Variants in TJP2 observed in about 807,000 individuals in gnomAD.
TJP2 encodes the protein tight junction protein 2, also known as Friedreich ataxia region gene X104 (tight junction protein ZO-2).
In TJP2, 91 loss-of-function variants were observed where a neutral mutation model predicts 133.1. The observed-to-expected ratio is 0.68, with a 90% CI of 0.58 to 0.81. The LOEUF is 0.81. Among genes scored for constraint, TJP2 ranks in the 40% least tolerant of loss-of-function variants. The pLI is 0.00. For synonymous variants in TJP2, 592 were observed against 583.4 expected, an observed-to-expected ratio of 1.01 and a Z score of -0.21; for missense variants, 1,541 against 1,565.6, an observed-to-expected ratio of 0.98 and a Z score of 0.26.
chr9:69,224,978 T>C (rs574373571), intron 5 of TJP2, among the ~76,000 whole-genome samples: 13 of 152,312 alleles, frequency 8.5e-5, no homozygotes, highest in African/African-American at 3.1e-4. Flanking sequence ...TTAACATTAA[T>C]ATCCCTTTCA....
At chr9:69,165,011 G>T (rs1227032250) in intron 2 of TJP2, among the ~76,000 whole-genome samples, 4 of 152,138 alleles carry the variant, frequency 2.6e-5, no homozygotes, top group Non-Finnish European at 5.9e-5. Context: ...TATATTTTTA[G>T]TAGAGACGGG....
chr9:69,145,194 TA>T (rs1310221144), intron 1 of TJP2, among the ~76,000 whole-genome samples: 1 of 152,228 alleles, frequency 6.6e-6, no homozygotes, highest in Non-Finnish European at 1.5e-5. Context: ...TGCATTGCTA[TA>T]AAATGACAAC....
At chr9:69,238,872 A>C (rs187802005) in intron 16 of TJP2, 83 bp downstream of exon 16, 1 of 1,148,576 alleles carries the variant, frequency 8.7e-7, no homozygotes, top group African/African-American at 1.5e-5. Context: ...TAGTATCTGT[A>C]CTTTTAATCA....
intron 2 of TJP2, among the ~76,000 whole-genome samples, chr9:69,160,831 T>TA (rs1335380978): frequency 6.6e-6 from 1 of 152,166 alleles, no homozygotes; most frequent in African/African-American, 2.4e-5. Flanking sequence ...CTCCCTTTTT[T>TA]AAAACCATCA....
At position 69,236,251 on chromosome 9, in the gene TJP2, G is replaced by A. The variant is rs774421803; in HGVS notation, c.1991+13G>A. On this transcript the variant is annotated intron_variant, in intron 13 of 22. Transcript: ENST00000377245. ...CCAACAAGAGCAGGTAACAGAGATC[G>A]CATTCTCACATACCCCTTTTAATCC... is the stretch of plus-strand genomic sequence containing the variant. The A allele has an allele frequency of 1.4e-5, 23 of 1,612,798 alleles. No individual in the cohort carries two copies. The highest frequency in any genetic ancestry group is 5.0e-5 in the Admixed American group (3 of 59,972).
At chr9:69,229,347 A>ATT (rs1829592891) in intron 10 of TJP2, 97 bp downstream of exon 10, 1 of 1,210,584 alleles carries the variant, frequency 8.3e-7, no homozygotes, top group Admixed American at 1.7e-5. Context: ...CTAGATGGTG[A>ATT]TTTTGTACAC....
At chr9:69,225,890 T>C (rs1212954514) in intron 6 of TJP2, 132 bp from the exon 7 acceptor site, 21 of 931,290 alleles carry the variant, frequency 2.3e-5, no homozygotes, top group Non-Finnish European at 3.4e-5. Flanking sequence ...TTCATTTTTA[T>C]TGAGTCATCC....
intron 1 of TJP2, among the ~76,000 whole-genome samples, chr9:69,184,269 T>C (rs963751968): frequency 6.6e-6 from 1 of 152,180 alleles, no homozygotes; most frequent in Non-Finnish European, 1.5e-5. Context: ...AAAGGCGAGA[T>C]GCGCAAAAAA....
intron 12 of TJP2, among the ~76,000 whole-genome samples, chr9:69,234,828 G>A (rs1260851436): frequency 6.6e-6 from 1 of 152,118 alleles, no homozygotes; most frequent in East Asian, 1.9e-4. Flanking sequence ...GTTCTGCCTG[G>A]AGTTATTAGT....
chr9:69,164,152 C>T (rs1824230131), intron 2 of TJP2, among the ~76,000 whole-genome samples: 1 of 152,170 alleles, frequency 6.6e-6, no homozygotes, highest in Non-Finnish European at 1.5e-5. Flanking sequence ...TAAAGAGGCC[C>T]ATGCAAATTT....
At chr9:69,208,948 G>A (rs1259498567) in intron 1 of TJP2, among the ~76,000 whole-genome samples, 2 of 152,094 alleles carry the variant, frequency 1.3e-5, no homozygotes, top group Non-Finnish European at 2.9e-5. Flanking sequence ...GGTACAAGAA[G>A]GCATTGAGAA....
intron 1 of TJP2, among the ~76,000 whole-genome samples, chr9:69,195,732 C>T (rs1826512229): frequency 6.6e-6 from 1 of 152,152 alleles, no homozygotes; most frequent in African/African-American, 2.4e-5. Context: ...GGAGCTTGTG[C>T]ATATATACCA....
chr9:69,130,282 A>G (rs1822436709), intron 1 of TJP2, among the ~76,000 whole-genome samples: 1 of 152,122 alleles, frequency 6.6e-6, no homozygotes, highest in African/African-American at 2.4e-5. Flanking sequence ...TTATGGGGAA[A>G]TGTTGGTAAT....
At chr9:69,167,354 G>C (rs1417202830) in intron 2 of TJP2, among the ~76,000 whole-genome samples, 1 of 152,088 alleles carries the variant, frequency 6.6e-6, no homozygotes, top group African/African-American at 2.4e-5. Context: ...TATATGTCTG[G>C]AATGTTCACC....
At chr9:69,181,677 G>T (rs1289218082) in intron 1 of TJP2, among the ~76,000 whole-genome samples, 1 of 151,916 alleles carries the variant, frequency 6.6e-6, no homozygotes, top group East Asian at 1.9e-4. Flanking sequence ...TATTTCCATT[G>T]GTTCTTCTCA....
chr9:69,173,423 G>A (rs1047757099), upstream of TJP2, among the ~76,000 whole-genome samples: 13 of 152,184 alleles, frequency 8.5e-5, no homozygotes, highest in African/African-American at 1.2e-4. Flanking sequence ...ACACTGAATT[G>A]CATTAGATGA....
At chr9:69,148,927 A>AAAT in intron 1 of TJP2, among the ~76,000 whole-genome samples, 1 of 152,198 alleles carries the variant, frequency 6.6e-6, no homozygotes, top group Non-Finnish European at 1.5e-5. Context: ...GATAGAATAA[A>AAAT]AATAATTGAT....
At chr9:69,244,184 G>GAAAA (rs35047206) in intron 17 of TJP2, among the ~76,000 whole-genome samples, 3 of 58,338 alleles carry the variant, frequency 5.1e-5, no homozygotes, top group African/African-American at 6.5e-5. Context: ...CCTGTCTCAG[G>GAAAA]AAAAAAAAAA....
intron 4 of TJP2, among the ~76,000 whole-genome samples, chr9:69,219,158 G>A (rs548334702): frequency 4.6e-5 from 7 of 152,134 alleles, no homozygotes; most frequent in South Asian, 4.1e-4. Context: ...TAGTAGAGAC[G>A]GGGTTTCACC....
Sources: gnomAD v4.1 joint callset for allele counts (sites outside exome capture counted in the v4.1 genomes callset) on GRCh38, gnomAD v4.1.1 for gene constraint, MANE v1.5 for transcripts, NCBI Gene and HGNC (gene_info 2026-07-23, HGNC 2026-07-21) for gene names.